The following ZBTB49 variants were observed in gnomAD, a reference collection of about 807,000 sequenced individuals.
ZBTB49 encodes zinc finger and BTB domain-containing protein 49.
ZBTB49 carries 43 observed loss-of-function variants against 57.5 expected under a neutral mutation model. The observed-to-expected ratio is 0.75, with a 90% CI of 0.59 to 0.97. The LOEUF (loss-of-function observed/expected upper bound fraction) is 0.97, where lower values mean the gene tolerates loss of function less well. Among genes scored for constraint, ZBTB49 ranks in the 50% least tolerant of loss-of-function variants. The probability of loss-of-function intolerance (pLI) is 0.00; values close to 1 mark genes in which losing one functional copy is unlikely to be tolerated. For missense variants in ZBTB49, 938 were observed against 947.7 expected (o/e 0.99, Z 0.13); for synonymous variants, 369 against 362.1 (o/e 1.02, Z -0.22).
chr4:4,309,631 G>A lies in ZBTB49; in HGVS notation c.1303-3410G>A, dbSNP rs370532909. Among the ~76,000 whole-genome samples the A allele has an allele frequency of 2.8e-4, 42 of 152,332 alleles. No homozygotes were observed. In the East Asian group the frequency reaches 7.5e-3, roughly 27 times the overall value. On this transcript the variant is annotated intron_variant, in intron 4 of 7. Transcript: ENST00000337872. ...AGTACTCTGCCAGCAGCGCCGTCTA[G>A]CCAGCTGTCTGCCCGAGTCCGGGGG...
Position 4,321,581 on chromosome 4 carries a change from T to C in ZBTB49, c.*265T>C. On this transcript the variant is annotated 3_prime_UTR_variant, in exon 8 of 8. Coordinates refer to ENST00000337872, the MANE Select transcript of ZBTB49 (RefSeq NM_145291.4). Reference sequence around the variant, plus strand: ...TTGATGCTGTCTCAGCAGCCTCAGCTGTGGGGGGGAAGCGCGTGTGCATCG... The same window carrying C: ...TTGATGCTGTCTCAGCAGCCTCAGCCGTGGGGGGGAAGCGCGTGTGCATCG... The C allele has an allele frequency of 1.9e-6, 1 of 523,934 alleles. No homozygotes were observed. Among genetic ancestry groups the C allele is most frequent in the South Asian group, 2.4e-5 (1 of 41,692 alleles). 32.5% of individuals were successfully genotyped at this position (523,934 alleles called of 1,614,324 possible). A position where few individuals can be genotyped will look rare whatever the true frequency, so the allele number is the denominator to read the frequency against.
chr4:4,304,022 G>A (rs1189827130), intron 3 of ZBTB49, among the ~76,000 whole-genome samples: 8 of 151,942 alleles, frequency 5.3e-5, no homozygotes, highest in Non-Finnish European at 1.2e-4. Context: ...TGCATTTTAC[G>A]ACCTTGTATT....
intron 1 of ZBTB49, among the ~76,000 whole-genome samples, chr4:4,294,872 C>CGTGTGT (rs10626183): frequency 0.037 from 5,089 of 137,982 alleles, 100 homozygotes; most frequent in East Asian, 0.057. Flanking sequence ...AGGAGGGTTT[C>CGTGTGT]GTGTGTGTGT....
chr4:4,291,800 T>G (rs1203136467), intron 1 of ZBTB49, among the ~76,000 whole-genome samples: 1 of 152,158 alleles, frequency 6.6e-6, no homozygotes, highest in African/African-American at 2.4e-5. Context: ...TCCCTGACCC[T>G]CCCTCCCAAA....
intron 4 of ZBTB49, among the ~76,000 whole-genome samples, chr4:4,307,618 A>G (rs1720796161): frequency 6.6e-6 from 1 of 152,160 alleles, no homozygotes; most frequent in Non-Finnish European, 1.5e-5. Context: ...CCTTGTTGCC[A>G]TCCGCTTTCT....
chr4:4,319,611 A>G (rs924548131), intron 7 of ZBTB49, among the ~76,000 whole-genome samples: 1 of 152,260 alleles, frequency 6.6e-6, no homozygotes, highest in Non-Finnish European at 1.5e-5. Flanking sequence ...ACTTAAGGCC[A>G]GGAGTTCAAG....
intron 1 of ZBTB49, among the ~76,000 whole-genome samples, chr4:4,296,083 T>C (rs927268267): frequency 2.6e-5 from 4 of 152,136 alleles, no homozygotes; most frequent in African/African-American, 9.7e-5. Flanking sequence ...TTGCAAGGCT[T>C]GAGGGAGACA....
At chr4:4,318,248 C>T (rs1420216022) in intron 7 of ZBTB49, among the ~76,000 whole-genome samples, 1 of 152,224 alleles carries the variant, frequency 6.6e-6, no homozygotes, top group Non-Finnish European at 1.5e-5. Flanking sequence ...ATTAAGGATG[C>T]TAAAAGTGGT....
In ZBTB49 at chr4:4,303,023, C is replaced by G; in HGVS notation, c.1187C>G (p.Ala396Gly). Residue 396 changes from alanine to glycine, a missense_variant, in exon 3 of 8, where the codon GCG becomes GGG. Ala to Gly is a moderately conservative substitution (Grantham distance 60). Transcript: ENST00000337872. ...SQTLQSQRQY[A>G]CELCGKPFKH... Reference sequence around the variant, plus strand: ...ACACTTCAGTCCCAGAGACAATACGCGTGTGAATTATGCGGGAAACCTTTT... The same window carrying G: ...ACACTTCAGTCCCAGAGACAATACGGGTGTGAATTATGCGGGAAACCTTTT... 3 of 1,613,994 alleles carry G rather than the reference C, an allele frequency of 1.9e-6. No individual in the cohort carries two copies. The highest frequency in any genetic ancestry group is 2.5e-6 in the Non-Finnish European group (3 of 1,179,984).
chr4:4,302,916 A>G lies in ZBTB49; in HGVS notation c.1080A>G (p.Glu360=), dbSNP rs1312043642. Residue 360 remains glutamate, a synonymous_variant, in exon 3 of 8, where the codon GAA becomes GAG. Coordinates refer to ENST00000337872, the MANE Select transcript of ZBTB49 (RefSeq NM_145291.4). ...GTGCTGAAGAAAAAGAAAGTGAAGA[A>G]GTCGTCAGTTGTGAGAATTTTAATT... ...SQSAEEKESE[E]VVSCENFNCI... is the part of the protein sequence containing the mutation. 5 of 1,614,248 alleles carry G rather than the reference A, an allele frequency of 3.1e-6. No homozygotes were observed. Among genetic ancestry groups the G allele is most frequent in the Non-Finnish European group, 4.2e-6 (5 of 1,180,044 alleles).
In ZBTB49 at chr4:4,313,083, A is replaced by G. The variant is rs775938184; in HGVS notation, c.1345A>G (p.Lys449Glu). The G allele has an allele frequency of 2.1e-5, 34 of 1,614,054 alleles. No individual in the cohort carries two copies. The highest frequency in any genetic ancestry group is 2.8e-5 in the Non-Finnish European group (33 of 1,180,044). The change falls in exon 5 of 8, where the codon AAA (lysine) becomes GAA (glutamate). Residue 449 changes from lysine (K) to glutamate (E), a missense_variant. Coordinates refer to ENST00000337872, the MANE Select transcript of ZBTB49 (RefSeq NM_145291.4). Reference sequence around the variant, plus strand: ...TCACTTACGACGGCATTCTGGTGAAAAACCATACATCTGCGAGATCTGTGG... The same window carrying G: ...TCACTTACGACGGCATTCTGGTGAAGAACCATACATCTGCGAGATCTGTGG... ...QTHLRRHSGE[K>E]PYICEICGKR...
chr4:4,318,172 A>T lies in ZBTB49; in HGVS notation c.1621+2202A>T, dbSNP rs1012714225. On this transcript the variant is annotated intron_variant, in intron 7 of 7. Transcript: ENST00000337872. ...AGCCAAGCTCCTCTCGACTCGAAAG[A>T]TGAAGGACAGGCACCCATATTCCTC... 9.2e-5 allele frequency among the ~76,000 whole-genome samples: 14 copies of T among 152,148 alleles called. 2 individuals carry two copies. The highest frequency in any genetic ancestry group is 8.5e-4 in the Admixed American group (13 of 15,272).
At chr4:4,297,754 G>T (rs1007391350) in intron 1 of ZBTB49, among the ~76,000 whole-genome samples, 8 of 144,950 alleles carry the variant, frequency 5.5e-5, no homozygotes, top group Non-Finnish European at 9.0e-5. Context: ...AGCCTGGGTG[G>T]CAGAGCTAGA....
At chr4:4,313,233 C>A in intron 5 of ZBTB49, 119 bp downstream of exon 5, 2 of 966,908 alleles carry the variant, frequency 2.1e-6, no homozygotes, top group Non-Finnish European at 3.1e-6. Context: ...CTCACCCTGC[C>A]ACTGCAGAAC....
chr4:4,315,742 C>T lies in ZBTB49; in HGVS notation c.1459+24C>T, dbSNP rs770732187. The T allele has an allele frequency of 2.2e-5, 34 of 1,522,722 alleles. No individual in the cohort carries two copies. The African/African-American group carries it at 6.1e-4, about 27-fold the overall frequency. The allele number at this position is 1,522,722 out of a possible 1,614,324, so 94.3% of individuals were successfully genotyped here. A position where few individuals can be genotyped will look rare whatever the true frequency, so the allele number is the denominator to read the frequency against. On this transcript the variant is annotated intron_variant, in intron 6 of 7. Coordinates refer to ENST00000337872, the MANE Select transcript of ZBTB49 (RefSeq NM_145291.4). ...AGGTACAGCTGAGTGTTTTCCTATT[C>T]TTCTTGAAGATTTCTGATTAAAATG...
chr4:4,309,939 A>G (rs1720912817), intron 4 of ZBTB49, among the ~76,000 whole-genome samples: 1 of 152,188 alleles, frequency 6.6e-6, no homozygotes, highest in African/African-American at 2.4e-5. Context: ...GTGAAATCCT[A>G]AAGTCTTGAA....
In ZBTB49 at chr4:4,302,742, G is replaced by A. The variant is rs754945551; in HGVS notation, c.906G>A (p.Arg302=). 1 of 1,613,964 alleles carries A rather than the reference G, an allele frequency of 6.2e-7. No homozygotes were observed. Among genetic ancestry groups the A allele is most frequent in the East Asian group, 2.2e-5 (1 of 44,882 alleles). ...ATCQQPVKQM[R]LKKAIHLKKL... is the part of the protein sequence containing the mutation. Reference sequence around the variant, plus strand: ...GCCAACAACCTGTCAAGCAGATGAGGCTCAAAAAGGCCATTCATCTGAAGA... The same window carrying A: ...GCCAACAACCTGTCAAGCAGATGAGACTCAAAAAGGCCATTCATCTGAAGA... The change falls in exon 3 of 8, where the codon AGG becomes AGA. Residue 302 remains arginine (R), a synonymous_variant. Transcript: ENST00000337872.
chr4:4,316,027 C>A, intron 7 of ZBTB49, 57 bp downstream of exon 7: 2 of 1,590,720 alleles, frequency 1.3e-6, no homozygotes, highest in Non-Finnish European at 1.7e-6. Flanking sequence ...GGGCTTTGTC[C>A]CCCAGCCCTC....
chr4:4,321,487 G>C lies in ZBTB49; in HGVS notation c.*171G>C, dbSNP rs937851742. On this transcript the variant is annotated 3_prime_UTR_variant, in exon 8 of 8. Transcript: ENST00000337872. ...GAAGCATCTTGAGCTGGGGGTGTGA[G>C]GGGGAGGGCCTGCTGGCTCACCGTG... The C allele has an allele frequency of 7.8e-6, 6 of 769,260 alleles. No homozygotes were observed. Among genetic ancestry groups the C allele is most frequent in the Admixed American group, 6.0e-5 (2 of 33,398 alleles). The allele number at this position is 769,260 out of a possible 1,614,324, so 47.7% of individuals were successfully genotyped here.
Sources: gnomAD v4.1 joint callset for allele counts (sites outside exome capture counted in the v4.1 genomes callset) on GRCh38, gnomAD v4.1.1 for gene constraint, MANE v1.5 for transcripts, NCBI Gene and HGNC (gene_info 2026-07-23, HGNC 2026-07-21) for gene names.